Variants in CES5A observed in about 807,000 individuals in gnomAD.
CES5A encodes carboxylesterase 5.
In CES5A, 67 loss-of-function variants were observed where a neutral mutation model predicts 62.9. The observed-to-expected ratio is 1.07, with a 90% CI of 0.88 to 1.31. The LOEUF (loss-of-function observed/expected upper bound fraction) is 1.31. Ranked by LOEUF, CES5A falls within the 50% of genes most tolerant of loss-of-function variation. CES5A has a pLI of 0.00. For synonymous variants in CES5A, 296 were observed against 280.8 expected, an observed-to-expected ratio of 1.05 and a Z score of -0.54; for missense variants, 748 against 708.5, an observed-to-expected ratio of 1.06 and a Z score of -0.63.
At chr16:55,856,292 C>T in intron 9 of CES5A, 85 bp downstream of exon 9, 2 of 1,238,580 alleles carry the variant, frequency 1.6e-6, no homozygotes, top group Admixed American at 1.7e-5. Context: ...TGTCTGTGCC[C>T]TTGGCTTCTC....
intron 1 of CES5A, among the ~76,000 whole-genome samples, chr16:55,889,813 G>GC (rs1163674937): frequency 6.6e-6 from 1 of 152,110 alleles, no homozygotes; most frequent in Non-Finnish European, 1.5e-5. Flanking sequence ...CTATCTGGGA[G>GC]CCCCCAGCCA....
intron 1 of CES5A, among the ~76,000 whole-genome samples, chr16:55,953,222 T>C (rs1198719365): frequency 2.0e-5 from 3 of 152,188 alleles, no homozygotes; most frequent in Non-Finnish European, 4.4e-5. Flanking sequence ...ACCCACAGTG[T>C]ACATCGTAGT....
intron 1 of CES5A, among the ~76,000 whole-genome samples, chr16:55,919,391 G>A (rs1426439003): frequency 6.6e-6 from 1 of 152,218 alleles, no homozygotes; most frequent in Admixed American, 6.5e-5. Flanking sequence ...ATTGCCTGCT[G>A]GTTAAAGCCT....
chr16:55,940,712 G>A (rs774822213), intron 2 of CES5A, among the ~76,000 whole-genome samples: 15 of 151,254 alleles, frequency 9.9e-5, no homozygotes, highest in East Asian at 3.9e-4. Context: ...CAAAAATAGC[G>A]ACAAATAGAA....
At chr16:55,948,973 G>A (rs1438307304) in intron 2 of CES5A, among the ~76,000 whole-genome samples, 2 of 152,168 alleles carry the variant, frequency 1.3e-5, no homozygotes, top group African/African-American at 2.4e-5. Flanking sequence ...CAAAATACAT[G>A]TGTAAGGGGC....
At chr16:55,894,423 G>A (rs369518540) in intron 1 of CES5A, among the ~76,000 whole-genome samples, 16 of 144,464 alleles carry the variant, frequency 1.1e-4, no homozygotes, top group African/African-American at 2.8e-4. Context: ...CATGAGAATC[G>A]CTTGAACCTG....
chr16:55,938,288 C>T (rs1347893273), intron 2 of CES5A, among the ~76,000 whole-genome samples: 5 of 152,136 alleles, frequency 3.3e-5, no homozygotes, highest in Non-Finnish European at 7.3e-5. Context: ...TGCTCTCTGG[C>T]TCCATACTGA....
upstream of CES5A, among the ~76,000 whole-genome samples, chr16:55,875,899 CCA>C (rs1364924142): frequency 2.0e-5 from 3 of 152,196 alleles, no homozygotes; most frequent in African/African-American, 7.2e-5. Flanking sequence ...CACTGCTCAC[CCA>C]ACTGTTTTAA....
chr16:55,867,813 T>C (rs1237573706), intron 4 of CES5A, among the ~76,000 whole-genome samples: 1 of 152,194 alleles, frequency 6.6e-6, no homozygotes, highest in Non-Finnish European at 1.5e-5. Flanking sequence ...TAGTGCCCAC[T>C]CCACATGGTT....
chr16:55,905,709 C>A (rs1161063977), intron 1 of CES5A, among the ~76,000 whole-genome samples: 8 of 152,084 alleles, frequency 5.3e-5, no homozygotes, highest in African/African-American at 1.9e-4. Context: ...AGAGCAAGCC[C>A]CAGTTTCCCC....
intron 4 of CES5A, among the ~76,000 whole-genome samples, chr16:55,867,744 G>A (rs1394514716): frequency 6.6e-6 from 1 of 152,092 alleles, no homozygotes; most frequent in Non-Finnish European, 1.5e-5. Flanking sequence ...GGTGACCTTG[G>A]GCAAATCACT....
chr16:55,945,490 C>T (rs1421222762), intron 2 of CES5A, among the ~76,000 whole-genome samples: 1 of 152,226 alleles, frequency 6.6e-6, no homozygotes, highest in Non-Finnish European at 1.5e-5. Flanking sequence ...AGCACAGCTG[C>T]AAATTGGGCA....
At chr16:55,880,208 C>A (rs1023185763), upstream of CES5A, among the ~76,000 whole-genome samples, 2 of 152,172 alleles carry the variant, frequency 1.3e-5, no homozygotes, top group Non-Finnish European at 2.9e-5. Flanking sequence ...CTTGCACTGA[C>A]AGCATACCAC....
rs1567334098 is a variant in CES5A at position 55,871,742 on chromosome 16, C to T, written c.300G>A (p.Trp100Ter). 1.9e-6 allele frequency: 3 copies of T among 1,614,002 alleles called. No individual in the cohort carries two copies. Among genetic ancestry groups the T allele is most frequent in the East Asian group, 4.5e-5 (2 of 44,868 alleles). ...YPNLCLQNSEWLLLDQHMLKV... is the reference protein window; with the variant it reads ...YPNLCLQNSE ...TGAGCATATGTTGATCTAAGAGCAGCCACTCTGAGTTCTGGAGGCACCTTG... is the reference window on the plus strand; with the variant it reads ...TGAGCATATGTTGATCTAAGAGCAGTCACTCTGAGTTCTGGAGGCACCTTG... The change falls in exon 3 of 13, where the codon TGG (tryptophan) becomes TGA (stop). Residue 100 changes from tryptophan (W) to a stop codon, truncating the protein, a stop_gained. Coordinates refer to ENST00000290567, the MANE Select transcript of CES5A (RefSeq NM_001143685.2). LOFTEE classifies it high-confidence loss of function.
At position 55,938,839 on chromosome 16, in the gene CES5A, C is replaced by T. The variant is rs8044814; in HGVS notation, c.160+10946G>A. On this transcript the variant is annotated intron_variant, in intron 2 of 13. Coordinates refer to the CES5A transcript ENST00000521992. ...ATACACACACATATATATATATACACATATATATATGTAGATATGTATTAA... is the reference window on the plus strand; with the variant it reads ...ATACACACACATATATATATATACATATATATATATGTAGATATGTATTAA... Among the ~76,000 whole-genome samples the T allele has an allele frequency of 2.0e-3, 237 of 120,148 alleles. 3 individuals are homozygous for T. Among genetic ancestry groups the T allele is most frequent in the African/African-American group, 6.9e-3 (207 of 30,028 alleles). 78.8% of individuals were successfully genotyped at this position (120,148 alleles called of 152,430 possible).
At chr16:55,858,631 G>T (rs2033291130) in intron 8 of CES5A, among the ~76,000 whole-genome samples, 1 of 152,192 alleles carries the variant, frequency 6.6e-6, no homozygotes, top group African/African-American at 2.4e-5. Context: ...ACTTGAGACT[G>T]GTTCTAGACA....
chr16:55,906,593 C>G (rs549530835), intron 1 of CES5A, among the ~76,000 whole-genome samples: 51 of 152,252 alleles, frequency 3.3e-4, no homozygotes, highest in Non-Finnish European at 6.2e-4. Context: ...TGGTTTCTTC[C>G]TTTGAGGGAA....
chr16:55,879,779 G>A (rs530722521), upstream of CES5A, among the ~76,000 whole-genome samples: 2 of 152,130 alleles, frequency 1.3e-5, no homozygotes, highest in Admixed American at 1.3e-4. Flanking sequence ...TTTTTGTAGA[G>A]ATGGAGTCTC....
At chr16:55,900,269 A>G (rs747045398) in intron 1 of CES5A, among the ~76,000 whole-genome samples, 35 of 152,184 alleles carry the variant, frequency 2.3e-4, no homozygotes, top group Non-Finnish European at 3.4e-4. Context: ...ATTCATTCAG[A>G]CTCAAAAGAA....
Sources: gnomAD v4.1 joint callset for allele counts (sites outside exome capture counted in the v4.1 genomes callset) on GRCh38, gnomAD v4.1.1 for gene constraint, MANE v1.5 for transcripts, NCBI Gene and HGNC (gene_info 2026-07-23, HGNC 2026-07-21) for gene names.